Variants in SH2B2 observed in about 807,000 individuals in gnomAD.
SH2B2 encodes the protein SH2B adapter protein 2.
SH2B2 carries 37 observed loss-of-function variants against 35.7 expected under a neutral mutation model. That is an observed-to-expected ratio of 1.04 (90% CI 0.80 to 1.36). The LOEUF is 1.36. Among genes scored for constraint, SH2B2 ranks in the 40% most tolerant of loss-of-function variants. The pLI, the probability that SH2B2 is intolerant of heterozygous loss-of-function variation, is 0.00. For missense variants in SH2B2, 852 were observed against 817.7 expected (o/e 1.04, Z -0.51); for synonymous variants, 383 against 376.4 (o/e 1.02, Z -0.20).
At chr7:102,309,167 C>T (rs1165137701) in intron 4 of SH2B2, 1 of 592,570 alleles carries the variant, frequency 1.7e-6, no homozygotes, top group Non-Finnish European at 3.2e-6. Context: ...TTGTCTTCAC[C>T]CCAAGAGAGC....
chr7:102,318,534 C>T (rs782028977), intron 7 of SH2B2, among the ~76,000 whole-genome samples: 11 of 152,172 alleles, frequency 7.2e-5, no homozygotes, highest in Non-Finnish European at 1.5e-4. Context: ...TCAGTGCCCA[C>T]CCCCGCATCC....
At position 102,308,861 on chromosome 7, in the gene SH2B2, A is replaced by G; in HGVS notation, c.878A>G (p.Gln293Arg). 4 of 1,613,738 alleles carry G rather than the reference A, an allele frequency of 2.5e-6. No homozygotes were observed. Among genetic ancestry groups the G allele is most frequent in the Non-Finnish European group, 3.4e-6 (4 of 1,179,878 alleles). ...ATCTTGGAGACCATCGACTCTCTGC[A>G]GAAGCACTCGTGGGTAGCTGACATC... ...EYILETIDSL[Q>R]KHSWVADIQG... Residue 293 changes from glutamine to arginine, a missense_variant, in exon 4 of 9, where the codon CAG (glutamine) becomes CGG (arginine). Gln to Arg is a conservative substitution (Grantham distance 43, BLOSUM62 1). Transcript: ENST00000444095.
intron 1 of SH2B2, 103 bp from the exon 2 acceptor site, chr7:102,300,419 C>T: frequency 2.9e-6 from 4 of 1,364,304 alleles, no homozygotes; most frequent in Non-Finnish European, 3.9e-6. Context: ...TGTACACACA[C>T]ACCCACACAG....
At chr7:102,299,380 G>A (rs2132945379) in intron 1 of SH2B2, among the ~76,000 whole-genome samples, 1 of 149,892 alleles carries the variant, frequency 6.7e-6, no homozygotes, top group African/African-American at 2.5e-5. Context: ...TGTATTTTTA[G>A]TAGAGACGGG....
chr7:102,305,435 T>G (rs1011450558), intron 2 of SH2B2, among the ~76,000 whole-genome samples: 3 of 151,910 alleles, frequency 2.0e-5, no homozygotes, highest in African/African-American at 7.3e-5. Context: ...CTGGCTAATT[T>G]TTGTATTTCT....
intron 4 of SH2B2, 112 bp from the exon 5 acceptor site, chr7:102,314,224 G>A: frequency 2.5e-6 from 1 of 397,942 alleles, no homozygotes; most frequent in Non-Finnish European, 4.4e-6. Context: ...AGAGCCAGGA[G>A]GCCTAGATGC....
At chr7:102,292,778 T>C (rs1792724817) in intron 1 of SH2B2, among the ~76,000 whole-genome samples, 1 of 152,164 alleles carries the variant, frequency 6.6e-6, no homozygotes, top group South Asian at 2.1e-4. Flanking sequence ...CCCCAGGACA[T>C]AGGAGAGAAC....
At position 102,320,364 on chromosome 7, in the gene SH2B2, T is replaced by G; in HGVS notation, c.1429T>G (p.Cys477Gly). ...CCTGTCCCTGAACGGCCACGGCCAG[T>G]GTCACGTACAGCATCTGTGGTTCCA... is the stretch of plus-strand genomic sequence containing the variant. ...LRLSLNGHGQ[C>G]HVQHLWFQSV... Residue 477 changes from cysteine to glycine, a missense_variant, in exon 8 of 9, where the codon TGT (cysteine) becomes GGT (glycine). Physicochemically the swap from Cys to Gly is radical, Grantham distance 159. Transcript: ENST00000444095. 1 of 1,613,056 alleles carries G rather than the reference T, an allele frequency of 6.2e-7. No homozygotes were observed. Among genetic ancestry groups the G allele is most frequent in the Non-Finnish European group, 8.5e-7 (1 of 1,179,862 alleles).
chr7:102,296,174 G>A (rs775047055), intron 1 of SH2B2, among the ~76,000 whole-genome samples: 3 of 152,220 alleles, frequency 2.0e-5, no homozygotes, highest in Non-Finnish European at 4.4e-5. Flanking sequence ...GATTGATGGC[G>A]AGGTTGCCCC....
At chr7:102,316,060 G>A (rs910644913) in intron 6 of SH2B2, among the ~76,000 whole-genome samples, 2 of 151,170 alleles carry the variant, frequency 1.3e-5, no homozygotes, top group Non-Finnish European at 3.0e-5. Context: ...CAGGAGGATC[G>A]TTTGAGCCCA....
intron 7 of SH2B2, 25 bp from the exon 8 acceptor site, chr7:102,320,306 T>C: frequency 6.3e-7 from 1 of 1,597,684 alleles, no homozygotes; most frequent in Non-Finnish European, 8.5e-7. Flanking sequence ...GACCTGCCCC[T>C]GACCACACCC....
At chr7:102,293,607 G>A (rs1176714155) in intron 1 of SH2B2, among the ~76,000 whole-genome samples, 1 of 152,096 alleles carries the variant, frequency 6.6e-6, no homozygotes, top group Non-Finnish European at 1.5e-5. Context: ...CAGCACCACA[G>A]GGGGCCCTGG....
intron 1 of SH2B2, among the ~76,000 whole-genome samples, chr7:102,296,494 G>A (rs726890): frequency 0.24 from 36,017 of 152,158 alleles, 5,091 homozygotes; most frequent in East Asian, 0.35. Flanking sequence ...ATCACTATTG[G>A]TAATTTTCCC....
chr7:102,315,758 A>G (rs868951772), intron 6 of SH2B2, among the ~76,000 whole-genome samples: 18 of 148,310 alleles, frequency 1.2e-4, no homozygotes, highest in African/African-American at 3.0e-4. Flanking sequence ...AAAAAAAAAA[A>G]AAAAGAAAAG....
chr7:102,286,518 G>C (rs1460647570), upstream of SH2B2, among the ~76,000 whole-genome samples: 1 of 152,102 alleles, frequency 6.6e-6, no homozygotes, highest in Non-Finnish European at 1.5e-5. Context: ...ACCACCGCGG[G>C]CTCGAGGGGT....
In SH2B2 at chr7:102,306,749, T is replaced by C. The variant is rs2132984709; in HGVS notation, c.758T>C (p.Leu253Pro). ...KASRPKVSIPLSAIIEVRTTM... is the reference protein window; with the variant it reads ...KASRPKVSIPPSAIIEVRTTM... ...TCCAGGCCCAAGGTCAGCATCCCAC[T>C]GTCAGCCATCATTGAGGTCCGCACC... The change falls in exon 3 of 9, where the codon CTG becomes CCG. Residue 253 changes from leucine to proline, a missense_variant. Leu to Pro is a moderately conservative substitution (Grantham distance 98). Around this residue, in one of 3 missense-constraint regions of SH2B2, gnomAD observed 556 missense variants for 514.5 expected, o/e 1.08. Coordinates refer to ENST00000444095, the MANE Select transcript of SH2B2 (RefSeq NM_001359228.2). 6.2e-7 allele frequency: 1 copy of C among 1,600,170 alleles called. No individual in the cohort carries two copies. Among genetic ancestry groups the C allele is most frequent in the Non-Finnish European group, 8.5e-7 (1 of 1,173,688 alleles).
At chr7:102,321,237 C>T in intron 8 of SH2B2, 62 bp from the exon 9 acceptor site, 1 of 1,275,568 alleles carries the variant, frequency 7.8e-7, no homozygotes, top group South Asian at 2.0e-5. Context: ...GGGATCCCGG[C>T]CTCCCTGCAG....
intron 3 of SH2B2, among the ~76,000 whole-genome samples, chr7:102,307,122 C>G (rs556548123): frequency 1.3e-5 from 2 of 152,246 alleles, no homozygotes; most frequent in African/African-American, 2.4e-5. Flanking sequence ...TCCCTTCCCC[C>G]ACTGGAGCTA....
chr7:102,306,971 C>G, intron 3 of SH2B2, 149 bp downstream of exon 3: 1 of 648,406 alleles, frequency 1.5e-6, no homozygotes. Flanking sequence ...TTCCCAGACC[C>G]TATGACAGAT....
Sources: gnomAD v4.1 joint callset for allele counts (sites outside exome capture counted in the v4.1 genomes callset) on GRCh38, gnomAD v4.1.1 for gene constraint, gnomAD v4.1.1 regional missense constraint, MANE v1.5 for transcripts, NCBI Gene and HGNC (gene_info 2026-07-23, HGNC 2026-07-21) for gene names.